The following TAB3 variants were observed in gnomAD, a reference collection of about 807,000 sequenced individuals.
TAB3 encodes the protein TGF-beta-activated kinase 1 and MAP3K7-binding protein 3.
In TAB3, 18 loss-of-function variants were observed where a neutral mutation model predicts 48.1. The observed-to-expected ratio is 0.37, with a 90% CI of 0.26 to 0.55. The LOEUF (loss-of-function observed/expected upper bound fraction) is 0.55, where lower values mean the gene tolerates loss of function less well. TAB3 is among the 20% of genes least tolerant of loss of function. The probability of loss-of-function intolerance (pLI) is 0.78; values close to 1 mark genes in which losing one functional copy is unlikely to be tolerated. For missense variants in TAB3, 414 were observed against 549.8 expected (o/e 0.75, Z 2.47); for synonymous variants, 185 against 190.2 (o/e 0.97, Z 0.22).
chrX:30,871,294 A>T (rs1939655816), intron 2 of TAB3, among the ~76,000 whole-genome samples: 1 of 112,520 alleles, frequency 8.9e-6, no homozygotes, highest in African/African-American at 3.2e-5. Context: ...AAGTTGGAAG[A>T]TTCGTATATC....
In TAB3 at chrX:30,828,802, C is replaced by A. The variant is rs1036338328; in HGVS notation, c.*2625G>T. On this transcript the variant is annotated 3_prime_UTR_variant, in exon 11 of 11. Coordinates refer to ENST00000288422, the MANE Select transcript of TAB3 (RefSeq NM_152787.5). ...CAGCCAGGCGTCATCCGATTTATAT[C>A]CTACCACTTCCATGCCAATTGTCTG... The A allele has an allele frequency of 1.8e-5, 2 of 111,895 alleles. No homozygotes were observed. Among genetic ancestry groups the A allele is most frequent in the African/African-American group, 6.5e-5 (2 of 30,745 alleles). The allele number at this position is 111,895 out of a possible 1,213,427, so 9.2% of individuals were successfully genotyped here. A position where few individuals can be genotyped will look rare whatever the true frequency, so the allele number is the denominator to read the frequency against.
At chrX:30,848,007 T>C in intron 7 of TAB3, among the ~76,000 whole-genome samples, 1 of 112,479 alleles carries the variant, frequency 8.9e-6, no homozygotes, top group Non-Finnish European at 1.9e-5. Flanking sequence ...ATTCAAATAG[T>C]TTAAAATATA....
rs144884244 is a variant in TAB3 at position 30,831,545 on chromosome X, C to T, written c.2021G>A (p.Arg674Gln). The T allele has an allele frequency of 5.0e-6, 6 of 1,210,760 alleles. No homozygotes were observed. Among genetic ancestry groups the T allele is most frequent in the East Asian group, 3.0e-5 (1 of 33,808 alleles). ...EHRTGSTQSP[R>Q]TQPRDEDYEG... ...GTAGTCTTCATCTCGAGGTTGTGTC[C>T]GAGGACTTTGTGTGGAGCCAGTTCG... Residue 674 changes from arginine (R) to glutamine (Q), a missense_variant, in exon 11 of 11, where the codon CGG becomes CAG. Coordinates refer to ENST00000288422, the MANE Select transcript of TAB3 (RefSeq NM_152787.5).
At chrX:30,859,918 C>G (rs1939203513) in intron 4 of TAB3, among the ~76,000 whole-genome samples, 1 of 107,704 alleles carries the variant, frequency 9.3e-6, no homozygotes, top group African/African-American at 3.4e-5. Flanking sequence ...AAAGGTCTCA[C>G]CTATTTAAAA....
At chrX:30,848,993 A>G (rs974364099) in intron 7 of TAB3, among the ~76,000 whole-genome samples, 4 of 111,419 alleles carry the variant, frequency 3.6e-5, no homozygotes, top group Admixed American at 9.5e-5. Flanking sequence ...CTTATCCTTC[A>G]AGGTAAAACT....
intron 9 of TAB3, among the ~76,000 whole-genome samples, chrX:30,842,396 A>C (rs1350314646): frequency 8.9e-6 from 1 of 111,957 alleles, no homozygotes; most frequent in Non-Finnish European, 1.9e-5. Context: ...TTATTTTATG[A>C]GAATTATCTT....
chrX:30,859,925 A>T lies in TAB3; in HGVS notation c.-90-247T>A, dbSNP rs191960042. The stretch of plus-strand genomic sequence containing the variant: ...ATGCACCTAAAGGTCTCACCTATTT[A>T]AAAAAAAAAAACAAAAAACAAAAAC... On this transcript the variant is annotated intron_variant, in intron 4 of 10. Coordinates refer to ENST00000288422, the MANE Select transcript of TAB3 (RefSeq NM_152787.5). 0.052 allele frequency among the ~76,000 whole-genome samples: 5,287 copies of T among 102,095 alleles called. 327 individuals carry two copies. The highest frequency in any genetic ancestry group is 0.18 in the African/African-American group (4,976 of 28,317). 88.7% of individuals were successfully genotyped at this position (102,095 alleles called of 115,157 possible). A position where few individuals can be genotyped will look rare whatever the true frequency, so the allele number is the denominator to read the frequency against.
chrX:30,846,123 C>T (rs1938614052), intron 8 of TAB3: 4 of 836,050 alleles, frequency 4.8e-6, no homozygotes, highest in South Asian at 5.5e-5. Flanking sequence ...AATGTTTTCA[C>T]ATAACATAAC....
intron 4 of TAB3, among the ~76,000 whole-genome samples, chrX:30,862,757 G>A (rs891467342): frequency 3.6e-5 from 4 of 111,593 alleles, no homozygotes; most frequent in Non-Finnish European, 5.7e-5. Flanking sequence ...TCAAATCCAC[G>A]CCTGCCTGCT....
chrX:30,869,971 A>G (rs957433688), intron 2 of TAB3, among the ~76,000 whole-genome samples: 1 of 112,725 alleles, frequency 8.9e-6, no homozygotes, highest in Non-Finnish European at 1.9e-5. Flanking sequence ...ATTAAAATGT[A>G]TTTCTTACTG....
At chrX:30,880,943 C>A (rs1314728470) in intron 1 of TAB3, among the ~76,000 whole-genome samples, 3 of 111,504 alleles carry the variant, frequency 2.7e-5, no homozygotes, top group African/African-American at 6.5e-5. Flanking sequence ...CTGAAGAAAT[C>A]TTTGCCTACT....
At position 30,841,560 on chromosome X, in the gene TAB3, C is replaced by T. The variant is rs184706913; in HGVS notation, c.1888+1406G>A. 4.6e-3 allele frequency among the ~76,000 whole-genome samples: 505 copies of T among 110,091 alleles called. 2 individuals are homozygous for T. The highest frequency in any genetic ancestry group is 0.015 in the African/African-American group (461 of 30,258). On this transcript the variant is annotated intron_variant, in intron 9 of 10. Coordinates refer to ENST00000288422, the MANE Select transcript of TAB3 (RefSeq NM_152787.5). The stretch of plus-strand genomic sequence containing the variant: ...AACACTCTGTAATGAGCTTAATATA[C>T]GTAGAAAACTATTCAACCAAAATTT...
rs1969226435 is a variant in TAB3, at chrX:30,867,236, A to C, written c.-194-18T>G. 1 of 111,870 alleles carries C rather than the reference A, an allele frequency of 8.9e-6. No individual in the cohort carries two copies. The highest frequency in any genetic ancestry group is 1.9e-5 in the Non-Finnish European group (1 of 53,163). 9.2% of individuals were successfully genotyped at this position (111,870 alleles called of 1,213,427 possible). On this transcript the variant is annotated intron_variant, in intron 3 of 10. Coordinates refer to ENST00000288422, the MANE Select transcript of TAB3 (RefSeq NM_152787.5). ...ATGGAATCCTGAAAGAGGAAAAAAAACATGTTCAGTAAAAGTTAAGGAAAT... is the reference window on the plus strand; with the variant it reads ...ATGGAATCCTGAAAGAGGAAAAAAACCATGTTCAGTAAAAGTTAAGGAAAT...
Position 30,855,036 on chromosome X carries a change from G to C in TAB3, c.629C>G (p.Pro210Arg), listed in dbSNP as rs751445495. The C allele has an allele frequency of 8.3e-7, 1 of 1,211,054 alleles. No homozygotes were observed. Among genetic ancestry groups the C allele is most frequent in the Non-Finnish European group, 1.1e-6 (1 of 894,979 alleles). ...SQNLPSGQTV[P>R]RALQILPQIP... ...TTGTGGAAGAATTTGTAAAGCTCTT[G>C]GTACAGTCTGTCCAGAAGGGAGGTT... The change falls in exon 6 of 11, where the codon CCA (proline) becomes CGA (arginine). Residue 210 changes from proline (P) to arginine (R), a missense_variant. Physicochemically the swap from Pro to Arg is moderately radical, Grantham distance 103. Transcript: ENST00000288422.
intron 9 of TAB3, among the ~76,000 whole-genome samples, chrX:30,834,439 G>T (rs1938126500): frequency 9.0e-6 from 1 of 111,305 alleles, no homozygotes. Context: ...ATGGATTAGG[G>T]GTACAAACTC....
chrX:30,840,528 A>G (rs1159477760), intron 9 of TAB3, among the ~76,000 whole-genome samples: 2 of 111,241 alleles, frequency 1.8e-5, no homozygotes, highest in Non-Finnish European at 3.8e-5. Context: ...TTCCCACCCA[A>G]ATCTCATCTT....
chrX:30,854,146 A>G lies in TAB3; in HGVS notation c.1519T>C (p.Ser507Pro). 8.3e-7 allele frequency: 1 copy of G among 1,205,795 alleles called. No homozygotes were observed. Among genetic ancestry groups the G allele is most frequent in the African/African-American group, 1.7e-5 (1 of 57,350 alleles). The change falls in exon 6 of 11, where the codon TCT becomes CCT. Residue 507 changes from serine to proline, a missense_variant. By Grantham distance (74) the Ser-to-Pro change is moderately conservative. Coordinates refer to ENST00000288422, the MANE Select transcript of TAB3 (RefSeq NM_152787.5). ...GSHKYQRSSS[S>P]GSDDYAYTQA... is the part of the protein sequence containing the mutation. ...GTGTAGGCATAGTCATCTGATCCAGAACTAGAACTTCTCTGATATTTATGG... is the reference window on the plus strand; with the variant it reads ...GTGTAGGCATAGTCATCTGATCCAGGACTAGAACTTCTCTGATATTTATGG...
chrX:30,832,973 CTTTT>C lies in TAB3; in HGVS notation c.1990+1074_1990+1077del, dbSNP rs771088514. Among the ~76,000 whole-genome samples, 5 of 97,910 alleles carry C rather than the reference CTTTT, an allele frequency of 5.1e-5. No individual in the cohort carries two copies. The East Asian group carries it at 1.2e-3, about 24-fold the overall frequency. The allele number at this position is 97,910 out of a possible 115,157, so 85.0% of individuals were successfully genotyped here. ...GTTTACTATGCCATTTTCTTTCTTTCTTTTTTTTTTTTTTTGAGACGGAGTCTTG... is the reference window on the plus strand; with the variant it reads ...GTTTACTATGCCATTTTCTTTCTTTCTTTTTTTTTTTGAGACGGAGTCTTG... On this transcript the variant is annotated intron_variant, in intron 10 of 10. Coordinates refer to ENST00000288422, the MANE Select transcript of TAB3 (RefSeq NM_152787.5).
intron 2 of TAB3, among the ~76,000 whole-genome samples, chrX:30,870,828 C>A (rs889802094): frequency 8.9e-6 from 1 of 111,779 alleles, no homozygotes; most frequent in Admixed American, 9.5e-5. Flanking sequence ...CAGGACAGCC[C>A]CTGACAACAG....
Sources: allele counts gnomAD v4.1 joint callset (sites outside exome capture counted in the v4.1 genomes callset), GRCh38; gene constraint gnomAD v4.1.1; transcripts MANE v1.5; gene names NCBI Gene and HGNC (gene_info 2026-07-23, HGNC 2026-07-21).